The following TSNARE1 variants were observed in gnomAD, a reference collection of about 807,000 sequenced individuals.
The protein encoded by TSNARE1 is t-SNARE domain-containing protein 1.
In TSNARE1, 49 loss-of-function variants were observed where a neutral mutation model predicts 62.0. That is an observed-to-expected ratio of 0.79 (90% CI 0.63 to 1.00). The LOEUF is 1.00. TSNARE1 is among the 50% of genes least tolerant of loss of function. The pLI, the probability that TSNARE1 is intolerant of heterozygous loss-of-function variation, is 0.00. For missense variants in TSNARE1, 755 were observed against 700.1 expected (o/e 1.08, Z -0.88); for synonymous variants, 328 against 294.4 (o/e 1.11, Z -1.17).
chr8:142,314,329 G>A (rs866523715), intron 9 of TSNARE1, 55 bp downstream of exon 9: 34 of 1,540,824 alleles, frequency 2.2e-5, no homozygotes, highest in Middle Eastern at 1.9e-4. Context: ...AGATGGCAGC[G>A]GATTCTGGGC....
At chr8:142,253,921 C>G (rs1036540302) in intron 12 of TSNARE1, among the ~76,000 whole-genome samples, 2 of 152,246 alleles carry the variant, frequency 1.3e-5, no homozygotes, top group African/African-American at 4.8e-5. Flanking sequence ...CCCAGGGCTG[C>G]CCACTGATCC....
intron 1 of TSNARE1, among the ~76,000 whole-genome samples, chr8:142,379,776 C>T (rs1266169303): frequency 6.6e-6 from 1 of 152,192 alleles, no homozygotes; most frequent in Non-Finnish European, 1.5e-5. Context: ...CTGCCTCAGC[C>T]TCCAGGGCTC....
intron 10 of TSNARE1, among the ~76,000 whole-genome samples, chr8:142,297,363 CTACTGTGA>C (rs1247089011): frequency 1.3e-5 from 2 of 152,222 alleles, no homozygotes; most frequent in African/African-American, 4.8e-5. Flanking sequence ...CACTGGCCCA[CTACTGTGA>C]TACTGCTTCC....
At chr8:142,241,777 G>C (rs143216965) in intron 12 of TSNARE1, among the ~76,000 whole-genome samples, 2 of 152,154 alleles carry the variant, frequency 1.3e-5, no homozygotes, top group Non-Finnish European at 2.9e-5. Flanking sequence ...GCAACAAATG[G>C]TGCTGGGAAA....
intron 1 of TSNARE1, chr8:142,366,072 T>C (rs992221012): frequency 5.7e-6 from 2 of 349,468 alleles, no homozygotes; most frequent in African/African-American, 4.4e-5. Context: ...TTGAGAAGGC[T>C]GTTGACCAGG....
intron 2 of TSNARE1, 74 bp from the exon 3 acceptor site, chr8:142,345,966 G>A (rs575375254): frequency 1.7e-5 from 26 of 1,521,280 alleles, no homozygotes; most frequent in South Asian, 3.8e-5. Flanking sequence ...CCCCATGCAC[G>A]GACAGCAGAC....
chr8:142,324,634 G>C (rs566514273), intron 6 of TSNARE1, among the ~76,000 whole-genome samples: 4 of 152,034 alleles, frequency 2.6e-5, no homozygotes, highest in Admixed American at 1.3e-4. Context: ...ATGACCACCT[G>C]TGTTTTACAG....
intron 6 of TSNARE1, among the ~76,000 whole-genome samples, chr8:142,329,984 T>C (rs1830777363): frequency 6.6e-6 from 1 of 152,220 alleles, no homozygotes; most frequent in African/African-American, 2.4e-5. Flanking sequence ...CCCTCCACCC[T>C]TGTGGGAGCC....
intron 13 of TSNARE1, among the ~76,000 whole-genome samples, chr8:142,213,931 C>T (rs1477934553): frequency 2.6e-5 from 4 of 151,434 alleles, no homozygotes; most frequent in African/African-American, 7.3e-5. Context: ...AAAAGGCACC[C>T]GGTGCTGTGG....
intron 1 of TSNARE1, among the ~76,000 whole-genome samples, chr8:142,372,349 C>A (rs959354951): frequency 6.6e-5 from 10 of 152,162 alleles, no homozygotes; most frequent in African/African-American, 2.2e-4. Context: ...TGAGAGAAAA[C>A]CAGCGAAGGA....
chr8:142,382,078 C>T lies in TSNARE1; in HGVS notation c.-40+21026G>A, dbSNP rs1267960835. ...CAGGCCCACGCGCCCCTGCCAGCAT[C>T]AGCCCTGTGCAGCCTCCGTGTGGAA... On this transcript the variant is annotated intron_variant, in intron 1 of 13. Coordinates refer to ENST00000524325, the MANE Select transcript of TSNARE1 (RefSeq NM_145003.5). Among the ~76,000 whole-genome samples, 4 of 152,210 alleles carry T rather than the reference C, an allele frequency of 2.6e-5. No homozygotes were observed. The East Asian group carries it at 5.8e-4, about 22-fold the overall frequency.
At chr8:142,309,055 A>G (rs1243726313) in intron 9 of TSNARE1, among the ~76,000 whole-genome samples, 1 of 152,214 alleles carries the variant, frequency 6.6e-6, no homozygotes, top group Non-Finnish European at 1.5e-5. Flanking sequence ...TATCTATTGT[A>G]ATAAATTTAT....
intron 11 of TSNARE1, chr8:142,275,634 C>G (rs532763238): frequency 3.0e-6 from 3 of 985,332 alleles, no homozygotes; most frequent in Non-Finnish European, 3.6e-6. Flanking sequence ...CGAGCAAACA[C>G]GAGCACGGGC....
At chr8:142,250,472 T>A (rs1349724634) in intron 12 of TSNARE1, among the ~76,000 whole-genome samples, 1 of 152,054 alleles carries the variant, frequency 6.6e-6, no homozygotes. Context: ...AAAACAGCCA[T>A]CAGCGTCGCG....
chr8:142,221,731 AC>A (rs1365829168), intron 13 of TSNARE1, among the ~76,000 whole-genome samples: 1 of 134,016 alleles, frequency 7.5e-6, no homozygotes, highest in African/African-American at 2.8e-5. Context: ...TCATTCACTC[AC>A]TCATTCACTC....
At chr8:142,350,078 G>GCAGGGCTGGGAC (rs1428582024) in intron 2 of TSNARE1, among the ~76,000 whole-genome samples, 7 of 57,406 alleles carry the variant, frequency 1.2e-4, no homozygotes, top group East Asian at 1.3e-3. Context: ...ACCAGGGCAG[G>GCAGGGCTGGGAC]CAGGGCAGGC....
At chr8:142,300,076 A>G (rs1351853048) in intron 10 of TSNARE1, 1 of 159,160 alleles carries the variant, frequency 6.3e-6, no homozygotes, top group Non-Finnish European at 1.4e-5. Context: ...GTTCTGAGCA[A>G]TTTATTCAAC....
At chr8:142,360,730 G>A (rs1358458997) in intron 1 of TSNARE1, among the ~76,000 whole-genome samples, 4 of 152,124 alleles carry the variant, frequency 2.6e-5, no homozygotes, top group Non-Finnish European at 4.4e-5. Flanking sequence ...CACCTCAGGC[G>A]TGCCACCACC....
intron 12 of TSNARE1, among the ~76,000 whole-genome samples, chr8:142,231,273 T>C (rs1470403522): frequency 1.3e-5 from 2 of 152,174 alleles, no homozygotes; most frequent in Non-Finnish European, 2.9e-5. Flanking sequence ...GCCAGGACAC[T>C]GAAGCTCAAA....
Sources: gnomAD v4.1 joint callset for allele counts (sites outside exome capture counted in the v4.1 genomes callset) on GRCh38, gnomAD v4.1.1 for gene constraint, MANE v1.5 for transcripts, NCBI Gene and HGNC (gene_info 2026-07-23, HGNC 2026-07-21) for gene names.